The following PCDHA11 variants were observed in gnomAD, a reference collection of about 807,000 sequenced individuals.
PCDHA11 encodes the protein protocadherin alpha-11.
In PCDHA11, 61 loss-of-function variants were observed where a neutral mutation model predicts 70.3. That is an observed-to-expected ratio of 0.87 (90% CI 0.71 to 1.07). The LOEUF is 1.07. Ranked by LOEUF, PCDHA11 falls within the 50% of genes least tolerant of loss-of-function variation. PCDHA11 has a pLI of 0.00. For missense variants in PCDHA11, 1,324 were observed against 1,237.5 expected (o/e 1.07, Z -1.05); for synonymous variants, 633 against 555.1 (o/e 1.14, Z -1.97).
intron 3 of PCDHA11, among the ~76,000 whole-genome samples, chr5:140,995,811 G>A (rs949931541): frequency 6.6e-6 from 1 of 152,240 alleles, no homozygotes; most frequent in South Asian, 2.1e-4. Context: ...GTTTCTGAAG[G>A]GAGATAGCCT....
chr5:140,928,458 T>C lies in PCDHA11; in HGVS notation c.2392-50491T>C, dbSNP rs1030560254. On this transcript the variant is annotated intron_variant, in intron 1 of 3. Coordinates refer to ENST00000398640, the MANE Select transcript of PCDHA11 (RefSeq NM_018902.5). Reference sequence around the variant, plus strand: ...ACTTTGAGCAGCTCAGGGGGTTTCATTTCCAAGTAGAAGGCCGGGATGGTG... The same window carrying C: ...ACTTTGAGCAGCTCAGGGGGTTTCACTTCCAAGTAGAAGGCCGGGATGGTG... 3.1e-6 allele frequency: 5 copies of C among 1,614,048 alleles called. No homozygotes were observed. In the African/African-American group the frequency reaches 5.3e-5, roughly 17 times the overall value.
chr5:140,892,310 A>T (rs1346325979), intron 1 of PCDHA11, among the ~76,000 whole-genome samples: 1 of 152,230 alleles, frequency 6.6e-6, no homozygotes, highest in African/African-American at 2.4e-5. Flanking sequence ...TTTGGGGCTT[A>T]TAACATTTTC....
At chr5:140,885,189 C>T (rs1554182051) in intron 1 of PCDHA11, among the ~76,000 whole-genome samples, 1 of 151,992 alleles carries the variant, frequency 6.6e-6, no homozygotes, top group Non-Finnish European at 1.5e-5. Context: ...CATCAGTGTT[C>T]CCCTCTCATA....
chr5:140,883,356 C>A, intron 1 of PCDHA11: 1 of 1,614,190 alleles, frequency 6.2e-7, no homozygotes, highest in Non-Finnish European at 8.5e-7. Flanking sequence ...AGAGAAGACA[C>A]TCAGCCTAGC....
chr5:141,000,447 G>C (rs2097938373), intron 3 of PCDHA11, among the ~76,000 whole-genome samples: 1 of 41,758 alleles, frequency 2.4e-5, no homozygotes, highest in Admixed American at 2.7e-4. Flanking sequence ...TTTTTTTTGA[G>C]ACAGAGTTTT....
chr5:140,925,082 A>AAAGG (rs138596875), intron 1 of PCDHA11, among the ~76,000 whole-genome samples: 24,812 of 147,244 alleles, frequency 0.17, 2,350 homozygotes, highest in African/African-American at 0.25. Context: ...GCTCATCTGG[A>AAAGG]AAGGAAGGAA....
At position 140,966,710 on chromosome 5, in the gene PCDHA11, G is replaced by T. The variant is rs552888876; in HGVS notation, c.2392-12239G>T. The T allele has an allele frequency of 2.9e-6, 4 of 1,391,664 alleles. No individual in the cohort carries two copies. In the South Asian group the frequency reaches 6.5e-5, roughly 23 times the overall value. The allele number at this position is 1,391,664 out of a possible 1,614,324, so 86.2% of individuals were successfully genotyped here. A position where few individuals can be genotyped will look rare whatever the true frequency, so the allele number is the denominator to read the frequency against. On this transcript the variant is annotated intron_variant, in intron 1 of 3. Transcript: ENST00000398640. ...AGGCGGGGCCCGGGCGTGGGGCACG[G>T]CTGGGGAAGCTGCCGCCTCCGGCCC...
rs1554163984 is a variant in PCDHA11, at chr5:140,870,276, C to T, written c.1173C>T (p.His391=). 3 of 1,614,170 alleles carry T rather than the reference C, an allele frequency of 1.9e-6. No individual in the cohort carries two copies. The highest frequency in any genetic ancestry group is 1.1e-5 in the South Asian group (1 of 91,086). ...AGGTGACCTGCTCGCTGACGCCCCA[C>T]GTTCCCTTCAAGCTGGTGTCCACCT... is the stretch of plus-strand genomic sequence containing the variant. ...NGQVTCSLTP[H]VPFKLVSTFK... The change falls in exon 1 of 4, where the codon CAC becomes CAT. Residue 391 remains histidine, a synonymous_variant. Transcript: ENST00000398640.
At position 140,871,086 on chromosome 5, in the gene PCDHA11, G is replaced by GGCCACC. The variant is rs782688668; in HGVS notation, c.1985_1990dup (p.Ala662_Thr663dup). ...ACGGTGAGCCGGCGCTGACGGCCACGGCCACCGTGCTGGTGTCGTTGGTGG... is the reference window on the plus strand; with the variant it reads ...ACGGTGAGCCGGCGCTGACGGCCACGGCCACCGCCACCGTGCTGGTGTCGTTGGTGG... On this transcript the variant is annotated inframe_insertion, in exon 1 of 4. Coordinates refer to ENST00000398640, the MANE Select transcript of PCDHA11 (RefSeq NM_018902.5). 6.2e-7 allele frequency: 1 copy of GGCCACC among 1,613,256 alleles called. No homozygotes were observed. Among genetic ancestry groups the GGCCACC allele is most frequent in the Non-Finnish European group, 8.5e-7 (1 of 1,179,852 alleles).
intron 1 of PCDHA11, among the ~76,000 whole-genome samples, chr5:140,964,392 C>A (rs2095829219): frequency 6.6e-6 from 1 of 152,072 alleles, no homozygotes; most frequent in African/African-American, 2.4e-5. Flanking sequence ...GGTTTTTCTC[C>A]CAAGACATGA....
At chr5:140,989,894 T>C (rs907697062) in intron 3 of PCDHA11, among the ~76,000 whole-genome samples, 7 of 151,812 alleles carry the variant, frequency 4.6e-5, no homozygotes, top group Admixed American at 3.3e-4. Context: ...GTCTCCGTTA[T>C]TCACAATCAG....
At chr5:141,006,483 G>T (rs1351534173) in intron 3 of PCDHA11, among the ~76,000 whole-genome samples, 1 of 152,126 alleles carries the variant, frequency 6.6e-6, no homozygotes, top group Non-Finnish European at 1.5e-5. Context: ...AAAGTGCTGG[G>T]ATTACATGTG....
At chr5:140,952,380 G>A (rs246035) in intron 1 of PCDHA11, among the ~76,000 whole-genome samples, 85,175 of 151,100 alleles carry the variant, frequency 0.56, 24,638 homozygotes, top group African/African-American at 0.69. Flanking sequence ...CCTCTGCCAG[G>A]TACCCTAAAC....
At chr5:140,882,375 C>G (rs879994353) in intron 1 of PCDHA11, 2 of 1,614,094 alleles carry the variant, frequency 1.2e-6, no homozygotes, top group Non-Finnish European at 1.7e-6. Context: ...TACTCCGTCC[C>G]CGAGGAAGCA....
chr5:140,882,124 C>T (rs1166492594), intron 1 of PCDHA11: 2 of 1,459,646 alleles, frequency 1.4e-6, no homozygotes, highest in African/African-American at 1.4e-5. Flanking sequence ...CCGTTTCTTT[C>T]TTCCTGCAGA....
At chr5:140,918,051 A>C (rs782531005) in intron 1 of PCDHA11, among the ~76,000 whole-genome samples, 4 of 151,984 alleles carry the variant, frequency 2.6e-5, no homozygotes, top group Admixed American at 2.0e-4. Flanking sequence ...CATTTGTTTT[A>C]TCATCTCTGA....
At chr5:140,900,192 A>G (rs1280412667) in intron 1 of PCDHA11, among the ~76,000 whole-genome samples, 2 of 152,186 alleles carry the variant, frequency 1.3e-5, no homozygotes, top group African/African-American at 2.4e-5. Flanking sequence ...ACTTATAATG[A>G]CATCCAGTTT....
In PCDHA11 at chr5:140,999,156, C is replaced by T. The variant is rs533302480; in HGVS notation, c.2540-10471C>T. On this transcript the variant is annotated intron_variant, in intron 3 of 3. Transcript: ENST00000398640. ...GTCACAGCCGGAAGTCTTCAGTCCCCTAGAAGGAAAAGAGCCTGATGGGGA... is the reference window on the plus strand; with the variant it reads ...GTCACAGCCGGAAGTCTTCAGTCCCTTAGAAGGAAAAGAGCCTGATGGGGA... 4.6e-5 allele frequency among the ~76,000 whole-genome samples: 7 copies of T among 152,280 alleles called. No individual in the cohort carries two copies. In the East Asian group the frequency reaches 1.4e-3, roughly 29 times the overall value.
intron 1 of PCDHA11, among the ~76,000 whole-genome samples, chr5:140,894,198 T>A (rs1431922646): frequency 3.9e-5 from 6 of 152,168 alleles, no homozygotes; most frequent in African/African-American, 1.4e-4. Flanking sequence ...ATTTTTTCTA[T>A]GCTATTATAT....
Sources: allele counts gnomAD v4.1 joint callset (sites outside exome capture counted in the v4.1 genomes callset), GRCh38; gene constraint gnomAD v4.1.1; transcripts MANE v1.5; gene names NCBI Gene and HGNC (gene_info 2026-07-23, HGNC 2026-07-21).